The following SHISA9 variants were observed in gnomAD, a reference collection of about 807,000 sequenced individuals.
The protein encoded by SHISA9 is shisa family member 9.
A neutral mutation model predicts 38.0 loss-of-function variants in SHISA9; 13 were observed. That is an observed-to-expected ratio of 0.34 (90% CI 0.22 to 0.54). SHISA9 has a LOEUF of 0.54. SHISA9 is among the 20% of genes least tolerant of loss of function. SHISA9 has a pLI of 0.91. For synonymous variants in SHISA9, 275 were observed against 242.0 expected (o/e 1.14, Z -1.27); for missense variants, 538 against 575.8 (o/e 0.93, Z 0.67).
At chr16:13,379,644 C>T in the SHISA9 span, among the ~76,000 whole-genome samples, 1 of 152,186 alleles carries the variant, frequency 6.6e-6, no homozygotes, top group African/African-American at 2.4e-5. Flanking sequence ...CTGTGCCTAA[C>T]AATAGTGCCT....
At chr16:13,080,485 G>A (rs2073636043) in intron 2 of SHISA9, among the ~76,000 whole-genome samples, 1 of 152,214 alleles carries the variant, frequency 6.6e-6, no homozygotes, top group African/African-American at 2.4e-5. Context: ...TTGGTCTAGT[G>A]TGGATCCTGT....
At chr16:12,999,718 C>T (rs13336521) in intron 2 of SHISA9, among the ~76,000 whole-genome samples, 5,117 of 152,228 alleles carry the variant, frequency 0.034, 278 homozygotes, top group African/African-American at 0.12. Context: ...TATGGTGATG[C>T]CCCAACAGGG....
At position 13,190,584 on chromosome 16, in the gene SHISA9, A is replaced by G. The variant is rs528550654; in HGVS notation, c.692-12810A>G. Among the ~76,000 whole-genome samples, 4 of 152,128 alleles carry G rather than the reference A, an allele frequency of 2.6e-5. No individual in the cohort carries two copies. In the East Asian group the frequency reaches 7.8e-4, roughly 30 times the overall value. ...GGCCCTCTCTTGTGCTTGCGCGGGAACCTCTGTTTTGCTGCTTCACATCAT... is the reference window on the plus strand; with the variant it reads ...GGCCCTCTCTTGTGCTTGCGCGGGAGCCTCTGTTTTGCTGCTTCACATCAT... On this transcript the variant is annotated intron_variant, in intron 2 of 4. Coordinates refer to ENST00000558583, the MANE Select transcript of SHISA9 (RefSeq NM_001145204.3).
At chr16:13,061,433 C>T (rs892603708) in intron 2 of SHISA9, among the ~76,000 whole-genome samples, 2 of 152,136 alleles carry the variant, frequency 1.3e-5, no homozygotes, top group Non-Finnish European at 2.9e-5. Flanking sequence ...CAAGTCGCTT[C>T]GTCCGACAAT....
chr16:13,333,374 T>C, the SHISA9 span, among the ~76,000 whole-genome samples: 1 of 152,154 alleles, frequency 6.6e-6, no homozygotes, highest in Non-Finnish European at 1.5e-5. Context: ...ATCACCCTAA[T>C]GGTATCATTG....
chr16:13,164,813 A>T (rs568530720), intron 2 of SHISA9, among the ~76,000 whole-genome samples: 6 of 152,198 alleles, frequency 3.9e-5, no homozygotes, highest in African/African-American at 1.2e-4. Flanking sequence ...ATTGGTTTCT[A>T]ATTTAATTCC....
At chr16:13,231,897 C>T (rs2051334953) in intron 4 of SHISA9, among the ~76,000 whole-genome samples, 4 of 152,366 alleles carry the variant, frequency 2.6e-5, no homozygotes, top group Admixed American at 2.6e-4. Context: ...GCCATTAGCT[C>T]TGGGTAACCT....
the SHISA9 span, among the ~76,000 whole-genome samples, chr16:13,462,617 G>A: frequency 4.6e-5 from 7 of 152,036 alleles, no homozygotes; most frequent in Admixed American, 2.0e-4. Flanking sequence ...TTGAGGTCAC[G>A]AGTTCGAAAC....
intron 2 of SHISA9, among the ~76,000 whole-genome samples, chr16:12,932,839 T>C (rs899873606): frequency 6.6e-6 from 1 of 152,194 alleles, no homozygotes; most frequent in African/African-American, 2.4e-5. Context: ...TGAAGATGAT[T>C]TGGAGGCCAT....
chr16:13,062,241 T>A (rs2073384950), intron 2 of SHISA9, among the ~76,000 whole-genome samples: 1 of 152,038 alleles, frequency 6.6e-6, no homozygotes, highest in African/African-American at 2.4e-5. Flanking sequence ...GTGGGAGTCC[T>A]GTGTCTCTAG....
intron 2 of SHISA9, among the ~76,000 whole-genome samples, chr16:13,078,414 A>ATT (rs397789589): frequency 0.076 from 11,424 of 150,862 alleles, 1,426 homozygotes; most frequent in African/African-American, 0.26. Context: ...TTTCTCAACT[A>ATT]TTTTTTTTTA....
chr16:13,343,454 TGTG>T, the SHISA9 span, among the ~76,000 whole-genome samples: 1 of 152,082 alleles, frequency 6.6e-6, no homozygotes, highest in African/African-American at 2.4e-5. Flanking sequence ...CTAATCACCA[TGTG>T]GTGTGGGAGT....
At chr16:13,394,739 A>G in the SHISA9 span, among the ~76,000 whole-genome samples, 1 of 152,162 alleles carries the variant, frequency 6.6e-6, no homozygotes, top group African/African-American at 2.4e-5. Flanking sequence ...CACTGCTAAT[A>G]TGGTGGGGGA....
the SHISA9 span, among the ~76,000 whole-genome samples, chr16:13,551,408 TG>T: frequency 6.6e-6 from 1 of 152,216 alleles, no homozygotes; most frequent in Non-Finnish European, 1.5e-5. Context: ...GATTTGTGTT[TG>T]TAAGTACATG....
At chr16:13,500,862 C>A in the SHISA9 span, among the ~76,000 whole-genome samples, 1 of 152,162 alleles carries the variant, frequency 6.6e-6, no homozygotes, top group Admixed American at 6.5e-5. Context: ...CTAGAACTCC[C>A]AATGTGCAGT....
the SHISA9 span, among the ~76,000 whole-genome samples, chr16:13,408,755 G>C: frequency 6.6e-6 from 1 of 152,148 alleles, no homozygotes; most frequent in Admixed American, 6.5e-5. Flanking sequence ...CATTTCTACA[G>C]TTCCCATTGC....
the SHISA9 span, among the ~76,000 whole-genome samples, chr16:13,441,870 G>A: frequency 2.6e-5 from 4 of 152,180 alleles, no homozygotes; most frequent in East Asian, 3.9e-4. Context: ...GTGTGGGGCC[G>A]TAGCCATATA....
chr16:13,293,520 G>A, the SHISA9 span, among the ~76,000 whole-genome samples: 7 of 152,264 alleles, frequency 4.6e-5, no homozygotes, highest in Middle Eastern at 6.8e-3. Context: ...CTTGTAAAAT[G>A]GAGGAAGTAG....
chr16:13,405,368 G>GTA, the SHISA9 span, among the ~76,000 whole-genome samples: 14 of 152,228 alleles, frequency 9.2e-5, no homozygotes, highest in African/African-American at 3.4e-4. Flanking sequence ...ATTCTGTGCA[G>GTA]TGTGCACTCA....
Sources: allele counts gnomAD v4.1 joint callset (sites outside exome capture counted in the v4.1 genomes callset), GRCh38; gene constraint gnomAD v4.1.1; transcripts MANE v1.5; gene names NCBI Gene and HGNC (gene_info 2026-07-23, HGNC 2026-07-21).